LRRTM4: variants seen among roughly 807,000 people sequenced by gnomAD.
LRRTM4 encodes leucine rich repeat transmembrane neuronal 4, also known as leucine-rich repeat transmembrane neuronal protein 4.
Under a neutral mutation model 47.6 loss-of-function variants are expected in LRRTM4, and 25 were observed. That is an observed-to-expected ratio of 0.53 (90% CI 0.38 to 0.73). LRRTM4 has a LOEUF of 0.73. Ranked by LOEUF, LRRTM4 falls within the 30% of genes least tolerant of loss-of-function variation. The pLI, the probability that LRRTM4 is intolerant of heterozygous loss-of-function variation, is 0.00. For synonymous variants in LRRTM4, 311 were observed against 269.5 expected (o/e 1.15, Z -1.51); for missense variants, 638 against 713.4 (o/e 0.89, Z 1.20).
intron 3 of LRRTM4, among the ~76,000 whole-genome samples, chr2:76,837,381 C>T (rs1483770914): frequency 1.3e-5 from 2 of 151,980 alleles, no homozygotes; most frequent in African/African-American, 4.8e-5. Context: ...CTATTTCCTT[C>T]AGTTCTGCTC....
chr2:77,254,870 C>A (rs1675718277), intron 3 of LRRTM4, among the ~76,000 whole-genome samples: 3 of 131,796 alleles, frequency 2.3e-5, no homozygotes, highest in Non-Finnish European at 4.9e-5. Flanking sequence ...TAAAAGCGAA[C>A]AGAGAAATAG....
At chr2:77,301,883 C>G (rs534517499) in intron 3 of LRRTM4, among the ~76,000 whole-genome samples, 48 of 152,022 alleles carry the variant, frequency 3.2e-4, no homozygotes, top group African/African-American at 1.1e-3. Flanking sequence ...TTACCAGTAA[C>G]AGAGAAGTTA....
intron 3 of LRRTM4, among the ~76,000 whole-genome samples, chr2:77,219,813 C>A (rs1455106660): frequency 1.3e-5 from 2 of 152,268 alleles, no homozygotes; most frequent in South Asian, 4.1e-4. Flanking sequence ...CAGCAATAAC[C>A]TCTGCAGACT....
intron 3 of LRRTM4, among the ~76,000 whole-genome samples, chr2:77,018,202 TG>T (rs1320100849): frequency 3.5e-4 from 53 of 151,442 alleles, no homozygotes; most frequent in African/African-American, 1.2e-3. Context: ...AAATTTTTTT[TG>T]TTTTTTTTTT....
At chr2:77,154,485 G>C (rs1453743025) in intron 3 of LRRTM4, among the ~76,000 whole-genome samples, 1 of 152,048 alleles carries the variant, frequency 6.6e-6, no homozygotes, top group Admixed American at 6.5e-5. Flanking sequence ...GTATAGGCAT[G>C]GACATAGGAA....
intron 3 of LRRTM4, among the ~76,000 whole-genome samples, chr2:76,823,415 CACACATACAA>C (rs1445173858): frequency 2.0e-5 from 3 of 151,380 alleles, no homozygotes; most frequent in Non-Finnish European, 4.4e-5. Flanking sequence ...ATACCTAACA[CACACATACAA>C]ACACATTAAA....
intron 3 of LRRTM4, among the ~76,000 whole-genome samples, chr2:76,923,191 C>A (rs781568556): frequency 2.0e-3 from 307 of 152,094 alleles, no homozygotes; most frequent in Non-Finnish European, 3.6e-3. Context: ...TAGGTTTTAA[C>A]TATATTTCCA....
At chr2:76,760,777 T>C (rs1029665796) in intron 3 of LRRTM4, among the ~76,000 whole-genome samples, 1 of 152,134 alleles carries the variant, frequency 6.6e-6, no homozygotes, top group East Asian at 1.9e-4. Context: ...AAACTAACCA[T>C]AGGCCTGGGA....
chr2:77,426,128 A>G (rs1259334469), intron 3 of LRRTM4, among the ~76,000 whole-genome samples: 1 of 151,876 alleles, frequency 6.6e-6, no homozygotes, highest in Non-Finnish European at 1.5e-5. Flanking sequence ...AAAAAAAAAA[A>G]AAAGTCATCC....
chr2:76,833,446 A>G (rs968745307), intron 3 of LRRTM4, among the ~76,000 whole-genome samples: 1 of 152,142 alleles, frequency 6.6e-6, no homozygotes, highest in East Asian at 1.9e-4. Context: ...AGTTAAAAAT[A>G]CATAAGCCGT....
At chr2:77,432,117 G>A (rs1675401881) in intron 3 of LRRTM4, among the ~76,000 whole-genome samples, 1 of 152,044 alleles carries the variant, frequency 6.6e-6, no homozygotes, top group African/African-American at 2.4e-5. Flanking sequence ...TATCAAGTAA[G>A]TTCAAAACCC....
chr2:77,147,843 A>G (rs1672300441), intron 3 of LRRTM4, among the ~76,000 whole-genome samples: 1 of 152,210 alleles, frequency 6.6e-6, no homozygotes, highest in African/African-American at 2.4e-5. Flanking sequence ...ATAACATGAA[A>G]AAGACTAAGC....
intron 3 of LRRTM4, among the ~76,000 whole-genome samples, chr2:77,222,666 G>A (rs530758411): frequency 1.3e-5 from 2 of 152,228 alleles, no homozygotes; most frequent in Non-Finnish European, 2.9e-5. Flanking sequence ...GGAAGAAGTT[G>A]AATCTTTGAA....
At chr2:77,057,279 A>G (rs573233174) in intron 3 of LRRTM4, among the ~76,000 whole-genome samples, 1 of 152,216 alleles carries the variant, frequency 6.6e-6, no homozygotes, top group African/African-American at 2.4e-5. Context: ...GATAATTGTG[A>G]TAAGTTACCA....
chr2:76,846,824 T>A lies in LRRTM4; in HGVS notation c.1552-97908A>T, dbSNP rs902151669. On this transcript the variant is annotated intron_variant, in intron 3 of 3. Coordinates refer to ENST00000409884, the MANE Select transcript of LRRTM4 (RefSeq NM_001134745.3). ...AGGGTGGGTTTCCTAGAAATTTTCA[T>A]GGATATAGCCCATTATCTGGTAAGA... Among the ~76,000 whole-genome samples, 3 of 152,200 alleles carry A rather than the reference T, an allele frequency of 2.0e-5. No individual in the cohort carries two copies. The East Asian group carries it at 5.8e-4, about 29-fold the overall frequency.
At chr2:77,222,988 A>G (rs1439408075) in intron 3 of LRRTM4, among the ~76,000 whole-genome samples, 1 of 152,160 alleles carries the variant, frequency 6.6e-6, no homozygotes, top group Non-Finnish European at 1.5e-5. Flanking sequence ...ATCCAGCAAC[A>G]TATCAAAAAG....
intron 3 of LRRTM4, among the ~76,000 whole-genome samples, chr2:77,075,225 A>AT (rs1166398389): frequency 6.6e-6 from 1 of 152,192 alleles, no homozygotes; most frequent in Non-Finnish European, 1.5e-5. Context: ...ACAGAAATTG[A>AT]TTTTGGAAGG....
At position 76,799,905 on chromosome 2, in the gene LRRTM4, G is replaced by T. The variant is rs1417844727; in HGVS notation, c.1552-50989C>A. 5.8e-4 allele frequency among the ~76,000 whole-genome samples: 87 copies of T among 150,436 alleles called. No individual in the cohort carries two copies. The East Asian group carries it at 0.014, about 24-fold the overall frequency. ...GAATCCAACTTACAAGGGATGAGAAGGACCTCTTCAAGGAGAACTACAAAC... is the reference window on the plus strand; with the variant it reads ...GAATCCAACTTACAAGGGATGAGAATGACCTCTTCAAGGAGAACTACAAAC... On this transcript the variant is annotated intron_variant, in intron 3 of 3. Coordinates refer to ENST00000409884, the MANE Select transcript of LRRTM4 (RefSeq NM_001134745.3).
intron 3 of LRRTM4, among the ~76,000 whole-genome samples, chr2:76,975,104 C>A (rs1162969886): frequency 2.6e-5 from 4 of 151,598 alleles, no homozygotes; most frequent in Non-Finnish European, 4.4e-5. Context: ...ACAAAAAGCC[C>A]TAATTGGTGA....
Sources: allele counts gnomAD v4.1 joint callset (sites outside exome capture counted in the v4.1 genomes callset), GRCh38; gene constraint gnomAD v4.1.1; transcripts MANE v1.5; gene names NCBI Gene and HGNC (gene_info 2026-07-23, HGNC 2026-07-21).